STAG1: variants seen among roughly 807,000 people sequenced by gnomAD.
STAG1 encodes the protein cohesin subunit SA-1.
STAG1 carries 26 observed loss-of-function variants against 170.9 expected under a neutral mutation model. The observed-to-expected ratio is 0.15, with a 90% CI of 0.11 to 0.21. The LOEUF is 0.21. STAG1 is among the 10% of genes least tolerant of loss of function. STAG1 has a pLI of 1.00. For missense variants in STAG1, 964 were observed against 1,509.5 expected (o/e 0.64, Z 5.99); for synonymous variants, 514 against 497.7 (o/e 1.03, Z -0.44).
At chr3:136,704,114 G>A (rs539849353) in intron 1 of STAG1, among the ~76,000 whole-genome samples, 14 of 148,942 alleles carry the variant, frequency 9.4e-5, no homozygotes, top group Admixed American at 6.7e-4. Flanking sequence ...GCAGTGGTGC[G>A]ATCTCGGCTC....
At chr3:136,518,231 C>A in intron 7 of STAG1, 1 of 567,936 alleles carries the variant, frequency 1.8e-6, no homozygotes. Context: ...ACATCTGTAC[C>A]CTACAAAATA....
chr3:136,390,429 A>T (rs1231249265), intron 22 of STAG1, among the ~76,000 whole-genome samples: 3 of 152,234 alleles, frequency 2.0e-5, no homozygotes, highest in African/African-American at 7.2e-5. Flanking sequence ...ATATTAAACA[A>T]GACCTGTATC....
chr3:136,718,365 A>G (rs1312876500), intron 1 of STAG1, among the ~76,000 whole-genome samples: 1 of 152,190 alleles, frequency 6.6e-6, no homozygotes, highest in Non-Finnish European at 1.5e-5. Context: ...TCCATAATTA[A>G]AAGTTTTTTT....
chr3:136,420,387 T>G (rs577999939), intron 20 of STAG1, among the ~76,000 whole-genome samples: 2 of 152,224 alleles, frequency 1.3e-5, no homozygotes, highest in South Asian at 4.2e-4. Flanking sequence ...TTAATTGAGA[T>G]AGGGTCTGCC....
chr3:136,461,842 C>A (rs1335766532), intron 13 of STAG1, among the ~76,000 whole-genome samples: 2 of 152,032 alleles, frequency 1.3e-5, no homozygotes, highest in African/African-American at 2.4e-5. Context: ...ACTCAAACAA[C>A]CCCTTAGCAA....
chr3:136,369,060 G>C, intron 24 of STAG1, 48 bp downstream of exon 24: 4 of 1,378,414 alleles, frequency 2.9e-6, no homozygotes, highest in South Asian at 1.8e-5. Flanking sequence ...CTATCTTTTG[G>C]GGTTGGTAAA....
intron 21 of STAG1, among the ~76,000 whole-genome samples, chr3:136,410,068 T>TAAAAAAAAAAAAAAAAAAAA (rs766763989): frequency 1.1e-5 from 1 of 93,074 alleles, no homozygotes; most frequent in Non-Finnish European, 2.1e-5. Flanking sequence ...AGTCCTTGTC[T>TAAAAAAAAAAAAAAAAAAAA]AAAAAAAAAA....
At chr3:136,626,976 C>T (rs1940130275) in intron 2 of STAG1, among the ~76,000 whole-genome samples, 3 of 152,148 alleles carry the variant, frequency 2.0e-5, no homozygotes, top group South Asian at 2.1e-4. Flanking sequence ...ACAAAATCTC[C>T]AAGTGCTTTT....
chr3:136,719,512 C>G (rs28452147), intron 1 of STAG1, among the ~76,000 whole-genome samples: 21,000 of 151,290 alleles, frequency 0.14, 2,796 homozygotes, highest in African/African-American at 0.35. Flanking sequence ...GTAAATTATA[C>G]CTCAACGTAT....
intron 5 of STAG1, among the ~76,000 whole-genome samples, chr3:136,555,846 A>G (rs989686047): frequency 6.6e-6 from 1 of 152,034 alleles, no homozygotes; most frequent in Admixed American, 6.6e-5. Context: ...AAAAAAAAAC[A>G]GAAAAAGAAG....
intron 1 of STAG1, among the ~76,000 whole-genome samples, chr3:136,661,612 A>C (rs192895749): frequency 1.3e-5 from 2 of 151,574 alleles, no homozygotes; most frequent in East Asian, 1.9e-4. Flanking sequence ...ATATTCCAAA[A>C]CCCCCCCAAC....
chr3:136,463,807 A>C (rs2089356963), intron 13 of STAG1, among the ~76,000 whole-genome samples: 1 of 144,910 alleles, frequency 6.9e-6, no homozygotes, highest in Admixed American at 6.9e-5. Flanking sequence ...ATATACATAC[A>C]TATATACACA....
At chr3:136,716,199 G>A (rs1194527193) in intron 1 of STAG1, among the ~76,000 whole-genome samples, 1 of 151,952 alleles carries the variant, frequency 6.6e-6, no homozygotes, top group Admixed American at 6.6e-5. Flanking sequence ...GCTCACACCT[G>A]TAATCCCACC....
At chr3:136,341,279 A>C (rs938386429) in intron 31 of STAG1, among the ~76,000 whole-genome samples, 162 bp downstream of exon 31, 4 of 152,230 alleles carry the variant, frequency 2.6e-5, no homozygotes, top group African/African-American at 9.6e-5. Context: ...TTAAATGCTG[A>C]AAGTGTTAAG....
At chr3:136,364,814 G>A (rs1937014771) in intron 25 of STAG1, among the ~76,000 whole-genome samples, 1 of 152,152 alleles carries the variant, frequency 6.6e-6, no homozygotes, top group African/African-American at 2.4e-5. Flanking sequence ...ATTAATAATA[G>A]TTTGGCAATT....
chr3:136,704,695 G>GGCAT (rs1177919961), intron 1 of STAG1, among the ~76,000 whole-genome samples: 1 of 151,674 alleles, frequency 6.6e-6, no homozygotes, highest in East Asian at 2.0e-4. Flanking sequence ...CAGGCGTGGT[G>GGCAT]GCATGCATCT....
At chr3:136,636,187 G>A (rs1014889818) in intron 1 of STAG1, among the ~76,000 whole-genome samples, 7 of 151,960 alleles carry the variant, frequency 4.6e-5, no homozygotes, top group Admixed American at 6.6e-5. Context: ...GGCAGAGATT[G>A]CAGTGAGCCG....
chr3:136,625,105 T>C (rs919778124), intron 2 of STAG1, among the ~76,000 whole-genome samples: 1 of 152,228 alleles, frequency 6.6e-6, no homozygotes, highest in Admixed American at 6.5e-5. Context: ...TTGAAAAGGT[T>C]TAGACAGCAT....
At chr3:136,456,110 TAAGTC>T (rs1465697319) in intron 13 of STAG1, among the ~76,000 whole-genome samples, 1 of 152,076 alleles carries the variant, frequency 6.6e-6, no homozygotes, top group Non-Finnish European at 1.5e-5. Context: ...AGCATCAACT[TAAGTC>T]AGGGAAATAT....
Sources: gnomAD v4.1 joint callset for allele counts (sites outside exome capture counted in the v4.1 genomes callset) on GRCh38, gnomAD v4.1.1 for gene constraint, MANE v1.5 for transcripts, NCBI Gene and HGNC (gene_info 2026-07-23, HGNC 2026-07-21) for gene names.